Variants in TFCP2L1 observed in about 807,000 individuals in gnomAD.
TFCP2L1 encodes the protein transcription factor CP2 like 1.
TFCP2L1 carries 12 observed loss-of-function variants against 72.2 expected under a neutral mutation model. The ratio of observed to expected loss-of-function variants is 0.17; its 90% CI spans 0.11 to 0.27. TFCP2L1 has a LOEUF of 0.27. Ranked by LOEUF, TFCP2L1 falls within the 10% of genes least tolerant of loss-of-function variation. TFCP2L1 has a pLI of 1.00. For synonymous variants in TFCP2L1, 260 were observed against 251.0 expected (o/e 1.04, Z -0.34); for missense variants, 488 against 624.6 (o/e 0.78, Z 2.33).
intron 6 of TFCP2L1, among the ~76,000 whole-genome samples, chr2:121,245,883 G>C (rs1686470606): frequency 6.6e-6 from 1 of 152,222 alleles, no homozygotes; most frequent in Admixed American, 6.5e-5. Context: ...CACACACCCA[G>C]CTTTCTAAAG....
chr2:121,242,292 TA>T, intron 7 of TFCP2L1, 66 bp downstream of exon 7: 2 of 1,430,136 alleles, frequency 1.4e-6, no homozygotes, highest in Non-Finnish European at 2.0e-6. Flanking sequence ...TCCAAGAATC[TA>T]AACCAGCAGC....
intron 2 of TFCP2L1, among the ~76,000 whole-genome samples, chr2:121,279,242 C>T (rs1446493465): frequency 6.6e-6 from 1 of 152,182 alleles, no homozygotes; most frequent in African/African-American, 2.4e-5. Flanking sequence ...AGCAAAAAAG[C>T]AGAGGCCCAA....
At chr2:121,266,757 C>A (rs1573389936) in intron 2 of TFCP2L1, among the ~76,000 whole-genome samples, 2 of 152,314 alleles carry the variant, frequency 1.3e-5, no homozygotes, top group East Asian at 3.9e-4. Context: ...GAGTGACTCA[C>A]CAGGGCTTCC....
rs1036156654 is a variant in TFCP2L1, at chr2:121,221,725, C to T, written c.*2616G>A. ...TTTTCTAGATATGGCACCAAAAGCA[C>T]AAGTGACAATAGAAAAAAAATACGT... is the stretch of plus-strand genomic sequence containing the variant. On this transcript the variant is annotated 3_prime_UTR_variant, in exon 15 of 15. Transcript: ENST00000263707. The T allele has an allele frequency of 5.3e-5, 8 of 151,948 alleles. No individual in the cohort carries two copies. The highest frequency in any genetic ancestry group is 4.6e-4 in the Admixed American group (7 of 15,242). 9.4% of individuals were successfully genotyped at this position (151,948 alleles called of 1,614,324 possible).
chr2:121,231,368 C>T (rs141597361), intron 13 of TFCP2L1, among the ~76,000 whole-genome samples: 1 of 152,348 alleles, frequency 6.6e-6, no homozygotes, highest in African/African-American at 2.4e-5. Flanking sequence ...TTGTGCTCTA[C>T]ACTGCCCTGT....
At chr2:121,252,207 C>T (rs1338758112) in intron 2 of TFCP2L1, among the ~76,000 whole-genome samples, 4 of 152,194 alleles carry the variant, frequency 2.6e-5, no homozygotes, top group Non-Finnish European at 5.9e-5. Context: ...CGCCAGCATG[C>T]CTGGCTAATT....
At chr2:121,276,922 C>T (rs2104763323) in intron 2 of TFCP2L1, among the ~76,000 whole-genome samples, 1 of 150,260 alleles carries the variant, frequency 6.7e-6, no homozygotes, top group South Asian at 2.1e-4. Context: ...TGACCATAGA[C>T]ATTTAAAATA....
intron 1 of TFCP2L1, 60 bp downstream of exon 1, chr2:121,284,988 C>A: frequency 1.4e-6 from 2 of 1,407,624 alleles, no homozygotes; most frequent in Non-Finnish European, 9.3e-7. Context: ...CCTGGACGTC[C>A]AACGGCGCCC....
chr2:121,281,084 T>A (rs79793779), intron 2 of TFCP2L1, 36 bp downstream of exon 2: 20 of 1,612,934 alleles, frequency 1.2e-5, no homozygotes, highest in Middle Eastern at 1.7e-4. Context: ...CCACTACTTC[T>A]GGGTTCCGCC....
intron 12 of TFCP2L1, among the ~76,000 whole-genome samples, chr2:121,233,306 G>A (rs1056821182): frequency 1.2e-4 from 19 of 152,076 alleles, no homozygotes; most frequent in Non-Finnish European, 1.5e-5. Flanking sequence ...GGGTTCAAAT[G>A]ATTCTCCTGC....
intron 13 of TFCP2L1, among the ~76,000 whole-genome samples, chr2:121,231,326 C>A (rs899825062): frequency 6.6e-6 from 1 of 152,242 alleles, no homozygotes; most frequent in Non-Finnish European, 1.5e-5. Flanking sequence ...TCCCTGGAGA[C>A]CACAGTACCT....
chr2:121,283,580 A>G (rs1687307133), intron 1 of TFCP2L1, among the ~76,000 whole-genome samples: 1 of 152,054 alleles, frequency 6.6e-6, no homozygotes, highest in South Asian at 2.1e-4. Flanking sequence ...ACTCCAGACA[A>G]ACTTCCATCT....
At chr2:121,232,112 GTTTTGT>G (rs1686157581) in intron 12 of TFCP2L1, 144 bp from the exon 13 acceptor site, 1 of 75,636 alleles carries the variant, frequency 1.3e-5, no homozygotes, top group East Asian at 1.1e-4. Flanking sequence ...CACTCTTTTT[GTTTTGT>G]TTTGTTTTGT....
intron 14 of TFCP2L1, among the ~76,000 whole-genome samples, chr2:121,225,245 C>T (rs908681356): frequency 4.6e-5 from 7 of 152,250 alleles, no homozygotes; most frequent in Non-Finnish European, 1.0e-4. Flanking sequence ...TCCCGACCCA[C>T]GCTACCTGCA....
At chr2:121,276,150 G>A (rs1356236829) in intron 2 of TFCP2L1, among the ~76,000 whole-genome samples, 1 of 152,084 alleles carries the variant, frequency 6.6e-6, no homozygotes, top group Non-Finnish European at 1.5e-5. Context: ...ATGTGCCATG[G>A]TGGTTTGCTG....
chr2:121,257,217 G>A (rs928735275), intron 2 of TFCP2L1, among the ~76,000 whole-genome samples: 25 of 152,272 alleles, frequency 1.6e-4, no homozygotes, highest in African/African-American at 5.5e-4. Context: ...GGGAGGCACA[G>A]TGACAGGCTC....
intron 4 of TFCP2L1, among the ~76,000 whole-genome samples, chr2:121,248,734 A>G (rs1686540933): frequency 6.6e-6 from 1 of 152,098 alleles, no homozygotes; most frequent in Non-Finnish European, 1.5e-5. Flanking sequence ...CCTTCCGCAA[A>G]GCCTTCCCTG....
At chr2:121,260,774 C>T (rs1270967504) in intron 2 of TFCP2L1, among the ~76,000 whole-genome samples, 1 of 152,232 alleles carries the variant, frequency 6.6e-6, no homozygotes, top group Non-Finnish European at 1.5e-5. Context: ...TGCAGAGCAG[C>T]ATGGAAAGCC....
intron 2 of TFCP2L1, 41 bp downstream of exon 2, chr2:121,281,079 A>T: frequency 6.2e-7 from 1 of 1,612,190 alleles, no homozygotes; most frequent in Non-Finnish European, 8.5e-7. Context: ...GCTCCCCACT[A>T]CTTCTGGGTT....
Sources: allele counts gnomAD v4.1 joint callset (sites outside exome capture counted in the v4.1 genomes callset), GRCh38; gene constraint gnomAD v4.1.1; transcripts MANE v1.5; gene names NCBI Gene and HGNC (gene_info 2026-07-23, HGNC 2026-07-21).